C8A: variants seen among roughly 807,000 people sequenced by gnomAD.
The protein encoded by C8A is complement C8 alpha chain.
In C8A, 67 loss-of-function variants were observed where a neutral mutation model predicts 65.3. The ratio of observed to expected loss-of-function variants is 1.03; its 90% CI spans 0.84 to 1.26. The LOEUF (loss-of-function observed/expected upper bound fraction) is 1.26. Ranked by LOEUF, C8A falls within the 50% of genes most tolerant of loss-of-function variation. C8A has a pLI of 0.00. For synonymous variants in C8A, 290 were observed against 259.4 expected, an observed-to-expected ratio of 1.12 and a Z score of -1.13; for missense variants, 781 against 723.9, an observed-to-expected ratio of 1.08 and a Z score of -0.90.
intron 1 of C8A, among the ~76,000 whole-genome samples, chr1:56,864,339 G>A (rs572774104): frequency 6.6e-6 from 1 of 152,148 alleles, no homozygotes; most frequent in Non-Finnish European, 1.5e-5. Context: ...AGATTGTAAA[G>A]TGATGAATCA....
At chr1:56,908,711 C>T (rs1442045217) in intron 9 of C8A, among the ~76,000 whole-genome samples, 1 of 152,176 alleles carries the variant, frequency 6.6e-6, no homozygotes, top group African/African-American at 2.4e-5. Flanking sequence ...GTCATAGATA[C>T]TATTCCCTCC....
chr1:56,912,444 G>T lies in C8A; in HGVS notation c.1422G>T (p.Gly474=). ...AGGTGCTGCGGCACACAAGCCTGGG[G>T]CCTCTGGAGGCCAAGCGCCAGAACC... is the stretch of plus-strand genomic sequence containing the variant. ...IHEVLRHTSL[G]PLEAKRQNLR... The change falls in exon 10 of 11, where the codon GGG becomes GGT. Residue 474 remains glycine (G), a synonymous_variant. Coordinates refer to ENST00000361249, the MANE Select transcript of C8A (RefSeq NM_000562.3). 1 of 1,614,224 alleles carries T rather than the reference G, an allele frequency of 6.2e-7. No individual in the cohort carries two copies. The highest frequency in any genetic ancestry group is 2.2e-5 in the East Asian group (1 of 44,886).
At chr1:56,870,928 A>G (rs1207724486) in intron 2 of C8A, among the ~76,000 whole-genome samples, 2 of 152,198 alleles carry the variant, frequency 1.3e-5, no homozygotes, top group Non-Finnish European at 2.9e-5. Flanking sequence ...CCAGTTAGAA[A>G]AGAAAATTAT....
intron 7 of C8A, among the ~76,000 whole-genome samples, chr1:56,902,600 A>G (rs1229633789): frequency 6.6e-6 from 1 of 152,186 alleles, no homozygotes; most frequent in Non-Finnish European, 1.5e-5. Context: ...CTCAGACTTT[A>G]TCTTGTATAA....
At chr1:56,858,278 A>G (rs1643996861) in intron 1 of C8A, among the ~76,000 whole-genome samples, 1 of 152,178 alleles carries the variant, frequency 6.6e-6, no homozygotes, top group Non-Finnish European at 1.5e-5. Flanking sequence ...ACTGAACCTT[A>G]GAGAGAGAAG....
At chr1:56,864,335 T>C (rs940413472) in intron 1 of C8A, among the ~76,000 whole-genome samples, 2 of 152,134 alleles carry the variant, frequency 1.3e-5, no homozygotes, top group Non-Finnish European at 2.9e-5. Context: ...GGTAAGATTG[T>C]AAAGTGATGA....
At chr1:56,868,482 A>G (rs603154) in intron 2 of C8A, among the ~76,000 whole-genome samples, 78,923 of 151,378 alleles carry the variant, frequency 0.52, 21,881 homozygotes, top group East Asian at 0.89. Context: ...GCTGGGCATG[A>G]CAGTGCACAC....
chr1:56,857,884 A>G (rs1247776351), intron 1 of C8A, among the ~76,000 whole-genome samples: 1 of 152,048 alleles, frequency 6.6e-6, no homozygotes, highest in African/African-American at 2.4e-5. Context: ...CAGAGATGCT[A>G]GCCTGCTTGA....
At chr1:56,870,329 C>T (rs1285698430) in intron 2 of C8A, among the ~76,000 whole-genome samples, 4 of 151,538 alleles carry the variant, frequency 2.6e-5, no homozygotes, top group Non-Finnish European at 5.9e-5. Flanking sequence ...ACTGCAATTA[C>T]TTTTGCAGCA....
At chr1:56,910,057 T>C (rs1644494108) in intron 9 of C8A, among the ~76,000 whole-genome samples, 1 of 151,960 alleles carries the variant, frequency 6.6e-6, no homozygotes, top group Non-Finnish European at 1.5e-5. Context: ...CACAGGGAAA[T>C]AAAGGGTGAT....
chr1:56,874,878 C>A, intron 2 of C8A, 71 bp from the exon 3 acceptor site: 1 of 1,566,686 alleles, frequency 6.4e-7, no homozygotes, highest in Non-Finnish European at 8.8e-7. Context: ...GAGCCGAAAC[C>A]AGGCTGCACA....
chr1:56,871,961 C>T (rs1644150545), intron 2 of C8A, among the ~76,000 whole-genome samples: 1 of 152,166 alleles, frequency 6.6e-6, no homozygotes, highest in African/African-American at 2.4e-5. Flanking sequence ...CATGAAAGCA[C>T]TGCAGAACAG....
At chr1:56,916,875 G>A (rs1269691419) in intron 10 of C8A, among the ~76,000 whole-genome samples, 4 of 152,208 alleles carry the variant, frequency 2.6e-5, no homozygotes, top group African/African-American at 9.6e-5. Context: ...GATGCTCTGT[G>A]CAGACAGCCT....
Position 56,881,780 on chromosome 1 carries a change from C to A in C8A, c.654+146C>A, listed in dbSNP as rs916260993. ...GAAGTCTCCTTCATACCCATCCCCA[C>A]ACATGCTTAGTGTCGAAGGGTGCTG... On this transcript the variant is annotated intron_variant, in intron 5 of 10. Transcript: ENST00000361249. 2.2e-5 allele frequency: 17 copies of A among 767,392 alleles called. No individual in the cohort carries two copies. The Admixed American group carries it at 3.2e-4, about 15-fold the overall frequency. The allele number at this position is 767,392 out of a possible 1,614,324, so 47.5% of individuals were successfully genotyped here.
At chr1:56,873,885 A>G (rs967982910) in intron 2 of C8A, among the ~76,000 whole-genome samples, 2 of 152,174 alleles carry the variant, frequency 1.3e-5, no homozygotes, top group African/African-American at 2.4e-5. Context: ...TTCTCTGGAT[A>G]TCCTAGTTTT....
At chr1:56,874,008 G>A (rs1644173155) in intron 2 of C8A, among the ~76,000 whole-genome samples, 2 of 152,150 alleles carry the variant, frequency 1.3e-5, no homozygotes, top group South Asian at 4.1e-4. Context: ...CTTCTGTCAA[G>A]TGTCTATTTA....
At chr1:56,875,932 G>A in intron 3 of C8A, 130 bp from the exon 4 acceptor site, 2 of 1,252,312 alleles carry the variant, frequency 1.6e-6, no homozygotes, top group Non-Finnish European at 2.3e-6. Context: ...GAAGGCAGAG[G>A]CAGTGAGAAC....
At chr1:56,895,852 G>T (rs539670617) in intron 7 of C8A, among the ~76,000 whole-genome samples, 1 of 152,108 alleles carries the variant, frequency 6.6e-6, no homozygotes, top group Non-Finnish European at 1.5e-5. Context: ...GGGAGGATGA[G>T]GTGGGAGGAT....
At chr1:56,893,027 C>T (rs1299817433) in intron 7 of C8A, among the ~76,000 whole-genome samples, 1 of 152,134 alleles carries the variant, frequency 6.6e-6, no homozygotes, top group African/African-American at 2.4e-5. Flanking sequence ...CATTCTGCCA[C>T]CATATCAAAG....
Sources: gnomAD v4.1 joint callset for allele counts (sites outside exome capture counted in the v4.1 genomes callset) on GRCh38, gnomAD v4.1.1 for gene constraint, MANE v1.5 for transcripts, NCBI Gene and HGNC (gene_info 2026-07-23, HGNC 2026-07-21) for gene names.